PPM1B: variants seen among roughly 807,000 people sequenced by gnomAD.
PPM1B encodes protein phosphatase, Mg2+/Mn2+ dependent 1B, also known as protein phosphatase 1B.
Under a neutral mutation model 43.0 loss-of-function variants are expected in PPM1B, and 22 were observed. That is an observed-to-expected ratio of 0.51 (90% CI 0.37 to 0.73). The LOEUF (loss-of-function observed/expected upper bound fraction) is 0.73. PPM1B is among the 30% of genes least tolerant of loss of function. The probability of loss-of-function intolerance (pLI) is 0.00; values close to 1 mark genes in which losing one functional copy is unlikely to be tolerated. For synonymous variants in PPM1B, 217 were observed against 197.9 expected (o/e 1.10, Z -0.81); for missense variants, 632 against 584.2 (o/e 1.08, Z -0.84).
chr2:44,241,008 T>TA (rs1189277304), intron 5 of PPM1B, among the ~76,000 whole-genome samples: 1 of 75,126 alleles, frequency 1.3e-5, no homozygotes, highest in African/African-American at 1.5e-4. Context: ...TTATTTTTAT[T>TA]TTTTTTTTTT....
At chr2:44,185,470 C>T (rs1454889103) in intron 1 of PPM1B, among the ~76,000 whole-genome samples, 1 of 151,994 alleles carries the variant, frequency 6.6e-6, no homozygotes, top group African/African-American at 2.4e-5. Context: ...AGCAAAATAC[C>T]ACTGTCAACA....
chr2:44,179,651 G>C (rs577771309), intron 1 of PPM1B, among the ~76,000 whole-genome samples: 2 of 152,162 alleles, frequency 1.3e-5, no homozygotes, highest in Non-Finnish European at 2.9e-5. Flanking sequence ...GTGTTTAAGA[G>C]TTTTTAGATA....
intron 5 of PPM1B, 148 bp from the exon 6 acceptor site, chr2:44,230,265 G>A: frequency 6.8e-7 from 1 of 1,463,898 alleles, no homozygotes; most frequent in South Asian, 1.5e-5. Flanking sequence ...ATTGATACAG[G>A]TAAGAATTGA....
chr2:44,194,734 G>A (rs1476593231), intron 1 of PPM1B, among the ~76,000 whole-genome samples: 1 of 151,994 alleles, frequency 6.6e-6, no homozygotes, highest in Non-Finnish European at 1.5e-5. Context: ...AAAAAAAGAA[G>A]AAGGCTGAGC....
chr2:44,182,859 T>A (rs1165189498), intron 1 of PPM1B, among the ~76,000 whole-genome samples: 1 of 152,222 alleles, frequency 6.6e-6, no homozygotes, highest in East Asian at 1.9e-4. Context: ...GATTTTCTTC[T>A]TAGCAGTTTT....
intron 1 of PPM1B, among the ~76,000 whole-genome samples, chr2:44,190,017 G>T (rs1668328430): frequency 6.6e-6 from 1 of 152,106 alleles, no homozygotes; most frequent in Non-Finnish European, 1.5e-5. Flanking sequence ...TATATCGTGT[G>T]AATGTGAATG....
At chr2:44,227,518 CTT>C (rs397964846) in intron 5 of PPM1B, among the ~76,000 whole-genome samples, 28 of 138,870 alleles carry the variant, frequency 2.0e-4, no homozygotes, top group Admixed American at 3.6e-4. Context: ...ACAGTATCAT[CTT>C]TTTTTTTTTT....
intron 5 of PPM1B, among the ~76,000 whole-genome samples, chr2:44,224,033 C>T (rs950832305): frequency 6.6e-6 from 1 of 152,230 alleles, no homozygotes; most frequent in South Asian, 2.1e-4. Context: ...AATTGTATCA[C>T]ATTTTGTCAT....
downstream of PPM1B, chr2:44,232,530 T>C (rs1670498095): frequency 6.9e-7 from 1 of 1,447,124 alleles, no homozygotes; most frequent in Non-Finnish European, 9.1e-7. Flanking sequence ...TTGCCACTTG[T>C]AGCATTGCCT....
chr2:44,182,028 C>T (rs886745679), intron 1 of PPM1B, among the ~76,000 whole-genome samples: 4 of 152,096 alleles, frequency 2.6e-5, no homozygotes, highest in African/African-American at 4.8e-5. Context: ...AGAATCGAGG[C>T]GTTACCAATA....
chr2:44,169,668 A>T (rs143291324), intron 1 of PPM1B, among the ~76,000 whole-genome samples: 74 of 152,324 alleles, frequency 4.9e-4, no homozygotes, highest in African/African-American at 1.7e-3. Context: ...GTTTGAAAAC[A>T]CTATCTTTTA....
intron 5 of PPM1B, among the ~76,000 whole-genome samples, chr2:44,223,058 C>G (rs1201594891): frequency 6.6e-6 from 1 of 152,152 alleles, no homozygotes; most frequent in African/African-American, 2.4e-5. Context: ...TCTTGAACTC[C>G]TGGGCTCAAG....
At position 44,230,722 on chromosome 2, in the gene PPM1B, T is replaced by G; in HGVS notation, c.*4T>G. On this transcript the variant is annotated 3_prime_UTR_variant, in exon 6 of 6. Transcript: ENST00000282412. ...GATGAGTGGTGAAAAAATATGACTT[T>G]CCTTTTTGGTAATATTTTTGTGATC... The G allele has an allele frequency of 6.2e-7, 1 of 1,601,230 alleles. No individual in the cohort carries two copies. The highest frequency in any genetic ancestry group is 8.5e-7 in the Non-Finnish European group (1 of 1,171,010).
At chr2:44,180,061 C>G (rs1442771458) in intron 1 of PPM1B, among the ~76,000 whole-genome samples, 1 of 151,128 alleles carries the variant, frequency 6.6e-6, no homozygotes, top group Non-Finnish European at 1.5e-5. Context: ...TTAAAATATT[C>G]CCCAAAATGT....
downstream of PPM1B, chr2:44,234,642 C>G: frequency 2.0e-6 from 2 of 983,304 alleles, no homozygotes; most frequent in Non-Finnish European, 2.4e-6. Flanking sequence ...GTTGACTCAT[C>G]TGAATTTCCT....
At chr2:44,246,338 C>G (rs980848847), downstream of PPM1B, among the ~76,000 whole-genome samples, 3 of 152,102 alleles carry the variant, frequency 2.0e-5, no homozygotes, top group African/African-American at 7.2e-5. Flanking sequence ...TTTGCAGGAC[C>G]TTTATTTGTT....
At position 44,175,603 on chromosome 2, in the gene PPM1B, A is replaced by G. The variant is rs1220416962; in HGVS notation, c.-15+6329A>G. On this transcript the variant is annotated intron_variant, in intron 1 of 5. Coordinates refer to ENST00000282412, the MANE Select transcript of PPM1B (RefSeq NM_002706.6). ...GCTGAACTCCTTATGTGGCTGGCTT[A>G]AAAACTTGAGTGGAAGATTTGGGGT... 2.0e-5 allele frequency among the ~76,000 whole-genome samples: 3 copies of G among 152,294 alleles called. No homozygotes were observed. In the East Asian group the frequency reaches 5.8e-4, roughly 29 times the overall value.
intron 2 of PPM1B, among the ~76,000 whole-genome samples, chr2:44,205,528 A>C (rs1272552699): frequency 1.3e-5 from 2 of 152,168 alleles, no homozygotes; most frequent in Non-Finnish European, 2.9e-5. Flanking sequence ...CATCTCACTT[A>C]GGGAACCACT....
intron 5 of PPM1B, among the ~76,000 whole-genome samples, chr2:44,220,200 G>A (rs1352201000): frequency 1.3e-5 from 2 of 151,746 alleles, no homozygotes; most frequent in Non-Finnish European, 2.9e-5. Context: ...ATTAGCCATA[G>A]AAGTACTCCC....
Sources: allele counts gnomAD v4.1 joint callset (sites outside exome capture counted in the v4.1 genomes callset), GRCh38; gene constraint gnomAD v4.1.1; transcripts MANE v1.5; gene names NCBI Gene and HGNC (gene_info 2026-07-23, HGNC 2026-07-21).